CACNA2D3: variants seen among roughly 807,000 people sequenced by gnomAD.
CACNA2D3 encodes the protein calcium voltage-gated channel auxiliary subunit alpha2delta 3, also known as voltage-dependent calcium channel subunit alpha-2/delta-3.
Under a neutral mutation model 160.6 loss-of-function variants are expected in CACNA2D3, and 60 were observed. The observed-to-expected ratio is 0.37, with a 90% confidence interval of 0.30 to 0.46. CACNA2D3 has a LOEUF of 0.46. Among genes scored for constraint, CACNA2D3 ranks in the 20% least tolerant of loss-of-function variants. The probability of loss-of-function intolerance (pLI) is 1.00; values close to 1 mark genes in which losing one functional copy is unlikely to be tolerated. For synonymous variants in CACNA2D3, 558 were observed against 492.9 expected, an observed-to-expected ratio of 1.13 and a Z score of -1.75; for missense variants, 1,205 against 1,365.0, an observed-to-expected ratio of 0.88 and a Z score of 1.85.
chr3:55,013,844 T>C (rs1703265274), intron 34 of CACNA2D3, among the ~76,000 whole-genome samples: 1 of 152,204 alleles, frequency 6.6e-6, no homozygotes, highest in Non-Finnish European at 1.5e-5. Context: ...CAATCCCAAT[T>C]GTCTGCACAT....
At chr3:54,377,201 C>T (rs184432782) in intron 3 of CACNA2D3, among the ~76,000 whole-genome samples, 26 of 152,338 alleles carry the variant, frequency 1.7e-4, no homozygotes, top group African/African-American at 5.8e-4. Context: ...CCATAAAGGC[C>T]TTTGCCTCAT....
intron 2 of CACNA2D3, among the ~76,000 whole-genome samples, chr3:54,282,849 TTG>T (rs1425668491): frequency 2.0e-5 from 3 of 147,116 alleles, no homozygotes; most frequent in Non-Finnish European, 3.0e-5. Context: ...AGTTTTCGCT[TTG>T]TTTTTTTTTT....
chr3:54,476,410 T>C (rs1428523589), intron 4 of CACNA2D3, among the ~76,000 whole-genome samples: 1 of 152,074 alleles, frequency 6.6e-6, no homozygotes, highest in South Asian at 2.1e-4. Context: ...TTACTCCCTT[T>C]TGATATACAC....
chr3:54,912,400 A>G (rs770343089), intron 27 of CACNA2D3, among the ~76,000 whole-genome samples: 3 of 152,136 alleles, frequency 2.0e-5, no homozygotes, highest in Non-Finnish European at 4.4e-5. Context: ...TAAGTCCTAC[A>G]TGATTTGACC....
intron 3 of CACNA2D3, among the ~76,000 whole-genome samples, chr3:54,385,569 G>T (rs1011585613): frequency 6.6e-6 from 1 of 152,160 alleles, no homozygotes; most frequent in African/African-American, 2.4e-5. Context: ...ACTGTCTCTG[G>T]CTGGCCTGTC....
intron 4 of CACNA2D3, among the ~76,000 whole-genome samples, chr3:54,498,108 G>A (rs1267269054): frequency 6.6e-6 from 1 of 151,248 alleles, no homozygotes; most frequent in Non-Finnish European, 1.5e-5. Flanking sequence ...AATTAGATAG[G>A]AAGTATTTTC....
At chr3:54,932,999 T>A (rs1442666159) in intron 27 of CACNA2D3, among the ~76,000 whole-genome samples, 1 of 152,160 alleles carries the variant, frequency 6.6e-6, no homozygotes, top group Non-Finnish European at 1.5e-5. Context: ...GGTACACAGT[T>A]TATACAGAGC....
Position 54,879,034 on chromosome 3 carries a change from T to G in CACNA2D3, c.1727T>G (p.Val576Gly). The G allele has an allele frequency of 6.2e-7, 1 of 1,604,562 alleles. No individual in the cohort carries two copies. The highest frequency in any genetic ancestry group is 8.5e-7 in the Non-Finnish European group (1 of 1,175,780). Residue 576 changes from valine to glycine, a missense_variant, in exon 19 of 38, where the codon GTG (valine) becomes GGG (glycine). Coordinates refer to ENST00000474759, the MANE Select transcript of CACNA2D3 (RefSeq NM_018398.3). The part of the protein sequence containing the change: ...DRDDVLRNAM[V>G]NRKTGKFSME... ...TCATTTTAGTTGAGAAATGCTATGG[T>G]GAATCGAAAGACGGGGAAGTTTTCC...
intron 13 of CACNA2D3, among the ~76,000 whole-genome samples, chr3:54,791,377 AGAAATATGGAGG>A (rs1296233362): frequency 6.6e-6 from 1 of 152,254 alleles, no homozygotes; most frequent in Non-Finnish European, 1.5e-5. Flanking sequence ...ATGCAAAGAC[AGAAATATGGAGG>A]GAAAATAACA....
At chr3:54,851,046 C>T (rs953455633) in intron 17 of CACNA2D3, among the ~76,000 whole-genome samples, 8 of 152,188 alleles carry the variant, frequency 5.3e-5, no homozygotes, top group Non-Finnish European at 1.2e-4. Flanking sequence ...AGGATGGATA[C>T]GATACGTGTA....
chr3:54,572,239 G>A (rs537371803), intron 8 of CACNA2D3, among the ~76,000 whole-genome samples: 24 of 152,330 alleles, frequency 1.6e-4, no homozygotes, highest in African/African-American at 5.5e-4. Flanking sequence ...TCCTAAAGAC[G>A]AAAGGGAAAA....
chr3:54,412,610 C>G (rs13098642), intron 4 of CACNA2D3, among the ~76,000 whole-genome samples: 1 of 120,618 alleles, frequency 8.3e-6, no homozygotes. Context: ...TGGTCTTGTT[C>G]TTTTTTTTTT....
chr3:54,835,317 G>A lies in CACNA2D3; in HGVS notation c.1399-1842G>A, dbSNP rs549304835. On this transcript the variant is annotated intron_variant, in intron 14 of 37. Coordinates refer to ENST00000474759, the MANE Select transcript of CACNA2D3 (RefSeq NM_018398.3). ...TGAAATGGAAAGGATTGCCCTATAC[G>A]AATGCTTCTTGCATTTTAATATACA... 3.3e-5 allele frequency among the ~76,000 whole-genome samples: 5 copies of A among 152,272 alleles called. No homozygotes were observed. In the South Asian group the frequency reaches 1.0e-3, roughly 32 times the overall value.
intron 2 of CACNA2D3, among the ~76,000 whole-genome samples, chr3:54,245,565 T>G (rs1444839446): frequency 6.6e-5 from 10 of 152,192 alleles, no homozygotes. Context: ...GCACTGGCAC[T>G]GAAAGCACCT....
At chr3:54,535,817 T>TG (rs1196192622) in intron 5 of CACNA2D3, among the ~76,000 whole-genome samples, 3 of 152,210 alleles carry the variant, frequency 2.0e-5, no homozygotes, top group African/African-American at 4.8e-5. Flanking sequence ...GATGGACAGG[T>TG]CACCTGTCGG....
At chr3:54,811,989 T>G (rs1486825005) in intron 13 of CACNA2D3, among the ~76,000 whole-genome samples, 2 of 152,206 alleles carry the variant, frequency 1.3e-5, no homozygotes, top group Non-Finnish European at 2.9e-5. Flanking sequence ...GCACTTCAAA[T>G]GGTGGATAGC....
intron 2 of CACNA2D3, among the ~76,000 whole-genome samples, chr3:54,215,488 T>G (rs886915648): frequency 6.6e-6 from 1 of 152,222 alleles, no homozygotes; most frequent in African/African-American, 2.4e-5. Flanking sequence ...AGTCCCCCCA[T>G]TGCCTATTAA....
chr3:54,491,277 A>G (rs992150087), intron 4 of CACNA2D3, among the ~76,000 whole-genome samples: 4 of 152,332 alleles, frequency 2.6e-5, no homozygotes, highest in South Asian at 4.1e-4. Flanking sequence ...CAGCATGCAC[A>G]CAGGAAACAA....
intron 9 of CACNA2D3, among the ~76,000 whole-genome samples, chr3:54,602,391 G>C (rs1283891653): frequency 6.6e-6 from 1 of 151,482 alleles, no homozygotes; most frequent in African/African-American, 2.4e-5. Flanking sequence ...CCAGCTACTC[G>C]GGAGGCTGAG....
Sources: allele counts gnomAD v4.1 joint callset (sites outside exome capture counted in the v4.1 genomes callset), GRCh38; gene constraint gnomAD v4.1.1; transcripts MANE v1.5; gene names NCBI Gene and HGNC (gene_info 2026-07-23, HGNC 2026-07-21).